The following FSTL5 variants were observed in gnomAD, a reference collection of about 807,000 sequenced individuals.
FSTL5 encodes the protein follistatin like 5, also known as follistatin-related protein 5.
A neutral mutation model predicts 89.1 loss-of-function variants in FSTL5; 62 were observed. That is an observed-to-expected ratio of 0.70 (90% confidence interval 0.57 to 0.86). The LOEUF (loss-of-function observed/expected upper bound fraction) is 0.86, where lower values mean the gene tolerates loss of function less well. Among genes scored for constraint, FSTL5 ranks in the 40% least tolerant of loss-of-function variants. The probability of loss-of-function intolerance (pLI) is 0.00; values close to 1 mark genes in which losing one functional copy is unlikely to be tolerated. For synonymous variants in FSTL5, 383 were observed against 346.2 expected (o/e 1.11, Z -1.18); for missense variants, 1,057 against 1,001.6 (o/e 1.06, Z -0.75).
chr4:161,733,909 T>C (rs1739700604), intron 6 of FSTL5, among the ~76,000 whole-genome samples: 1 of 152,032 alleles, frequency 6.6e-6, no homozygotes, highest in Non-Finnish European at 1.5e-5. Context: ...GACAGTAGGA[T>C]TGTGATTTCC....
intron 10 of FSTL5, among the ~76,000 whole-genome samples, chr4:161,533,446 T>A (rs1229316222): frequency 1.3e-5 from 2 of 152,078 alleles, no homozygotes; most frequent in African/African-American, 4.8e-5. Context: ...TATGAACACC[T>A]CTATGCACAC....
chr4:162,000,952 G>C (rs1736446246), intron 3 of FSTL5, among the ~76,000 whole-genome samples: 1 of 152,078 alleles, frequency 6.6e-6, no homozygotes, highest in Admixed American at 6.5e-5. Context: ...TGTAAGTTTT[G>C]GAAATGGATT....
chr4:161,799,610 G>A (rs563689199), intron 4 of FSTL5, among the ~76,000 whole-genome samples: 1 of 151,568 alleles, frequency 6.6e-6, no homozygotes, highest in Non-Finnish European at 1.5e-5. Context: ...AAAAAGAAAT[G>A]GGAAAGCAAG....
At chr4:161,396,483 A>G (rs1731003253) in intron 15 of FSTL5, among the ~76,000 whole-genome samples, 1 of 147,466 alleles carries the variant, frequency 6.8e-6, no homozygotes, top group South Asian at 2.1e-4. Context: ...CTCTACTAAA[A>G]ATACAAAAAA....
At chr4:162,013,590 T>C (rs1736831250) in intron 3 of FSTL5, among the ~76,000 whole-genome samples, 1 of 152,166 alleles carries the variant, frequency 6.6e-6, no homozygotes, top group Admixed American at 6.5e-5. Context: ...TCTCCATAGG[T>C]CCTTTGTTGT....
intron 4 of FSTL5, among the ~76,000 whole-genome samples, chr4:161,902,337 T>C (rs1448841862): frequency 1.3e-5 from 2 of 152,182 alleles, no homozygotes; most frequent in Non-Finnish European, 2.9e-5. Context: ...CCAAAGTATC[T>C]TTCTTTTTCT....
At chr4:161,391,038 G>A (rs1258337279) in intron 15 of FSTL5, among the ~76,000 whole-genome samples, 1 of 152,186 alleles carries the variant, frequency 6.6e-6, no homozygotes, top group Non-Finnish European at 1.5e-5. Context: ...GAAAAGTAGT[G>A]AGGGGTGATT....
chr4:161,898,425 G>T (rs1733239811), intron 4 of FSTL5, among the ~76,000 whole-genome samples: 1 of 151,772 alleles, frequency 6.6e-6, no homozygotes, highest in Non-Finnish European at 1.5e-5. Context: ...AAGGAAAAAT[G>T]ATATGGTAAG....
chr4:161,590,548 CA>C (rs1308597867), intron 7 of FSTL5, among the ~76,000 whole-genome samples: 1 of 151,848 alleles, frequency 6.6e-6, no homozygotes, highest in Non-Finnish European at 1.5e-5. Context: ...CAAAACAAAA[CA>C]AAACAAAACA....
At chr4:161,531,118 G>C (rs1357641381) in intron 10 of FSTL5, among the ~76,000 whole-genome samples, 1 of 152,110 alleles carries the variant, frequency 6.6e-6, no homozygotes, top group Non-Finnish European at 1.5e-5. Flanking sequence ...TGTAACTGTA[G>C]AGTATATTAT....
intron 4 of FSTL5, among the ~76,000 whole-genome samples, chr4:161,919,149 T>C (rs1357140356): frequency 6.6e-6 from 1 of 152,112 alleles, no homozygotes; most frequent in Non-Finnish European, 1.5e-5. Context: ...TTCCCTAATA[T>C]TTTACAAATA....
chr4:162,102,847 T>C (rs1476784841), intron 2 of FSTL5, among the ~76,000 whole-genome samples: 4 of 150,718 alleles, frequency 2.7e-5, no homozygotes, highest in African/African-American at 4.9e-5. Context: ...CATTTGACTT[T>C]ATTTGCCTAC....
chr4:161,500,504 T>C (rs967940801), intron 11 of FSTL5, among the ~76,000 whole-genome samples: 7 of 152,170 alleles, frequency 4.6e-5, no homozygotes, highest in African/African-American at 1.7e-4. Context: ...ATCAAATTTG[T>C]TTTACTACTT....
chr4:161,510,352 TAATC>T (rs780423043), intron 11 of FSTL5, 42 bp downstream of exon 11: 4 of 1,256,140 alleles, frequency 3.2e-6, no homozygotes, highest in Non-Finnish European at 4.5e-6. Flanking sequence ...AATCTAATAA[TAATC>T]AAGCAAAATT....
chr4:161,716,833 T>C (rs961719549), intron 6 of FSTL5, among the ~76,000 whole-genome samples: 2 of 152,100 alleles, frequency 1.3e-5, no homozygotes, highest in Non-Finnish European at 2.9e-5. Context: ...GTTCACAACA[T>C]GAATGAATGA....
chr4:162,085,686 G>A (rs1730290248), intron 2 of FSTL5, among the ~76,000 whole-genome samples: 1 of 152,028 alleles, frequency 6.6e-6, no homozygotes, highest in Non-Finnish European at 1.5e-5. Context: ...TAAAGATAAT[G>A]ATACTTGACA....
chr4:162,101,251 T>G (rs78369117), intron 2 of FSTL5, among the ~76,000 whole-genome samples: 5,782 of 152,340 alleles, frequency 0.038, 150 homozygotes, highest in Non-Finnish European at 0.056. Flanking sequence ...TTTTAAGGTA[T>G]GTTTTCAGTA....
chr4:161,879,534 C>T (rs372112463), intron 4 of FSTL5, among the ~76,000 whole-genome samples: 33 of 152,292 alleles, frequency 2.2e-4, no homozygotes, highest in Middle Eastern at 3.4e-3. Flanking sequence ...TCCGCAAGAG[C>T]CTGTCTCTGT....
chr4:161,604,114 T>C (rs371987992), intron 7 of FSTL5, among the ~76,000 whole-genome samples: 35 of 152,322 alleles, frequency 2.3e-4, no homozygotes, highest in Non-Finnish European at 3.8e-4. Flanking sequence ...ATTTTTTCTA[T>C]AGTATTTGCT....
Sources: allele counts gnomAD v4.1 joint callset (sites outside exome capture counted in the v4.1 genomes callset), GRCh38; gene constraint gnomAD v4.1.1; transcripts MANE v1.5; gene names NCBI Gene and HGNC (gene_info 2026-07-23, HGNC 2026-07-21).